Variants in DRD3 observed in about 807,000 individuals in gnomAD.
DRD3 encodes the protein dopamine receptor D3.
In DRD3, 19 loss-of-function variants were observed where a neutral mutation model predicts 36.3. The observed-to-expected ratio is 0.52, with a 90% confidence interval of 0.36 to 0.77. DRD3 has a LOEUF of 0.77. Among genes scored for constraint, DRD3 ranks in the 30% least tolerant of loss-of-function variants. The pLI is 0.00. For synonymous variants in DRD3, 195 were observed against 203.7 expected (o/e 0.96, Z 0.36); for missense variants, 465 against 505.3 (o/e 0.92, Z 0.77).
chr3:114,181,048 G>A (rs984570583), upstream of DRD3, among the ~76,000 whole-genome samples: 2 of 152,108 alleles, frequency 1.3e-5, no homozygotes, highest in African/African-American at 4.8e-5. Context: ...TTGATAATGC[G>A]TGAATGTAGT....
rs562432757 is a variant in DRD3, at chr3:114,159,473, GA to G, written c.383+281del. On this transcript the variant is annotated intron_variant, in intron 3 of 6. Transcript: ENST00000383673. ...GGGAAGCTTTCCTTCCTATTAGGAA[GA>G]AAAAAAAAACCCCAAAGGATGGTGG... Among the ~76,000 whole-genome samples, 531 of 147,958 alleles carry G rather than the reference GA, an allele frequency of 3.6e-3. 3 individuals are homozygous for G. Among genetic ancestry groups the G allele is most frequent in the African/African-American group, 0.012 (494 of 40,326 alleles).
At position 114,170,573 on chromosome 3, in the gene DRD3, C is replaced by A. The variant is rs6782532; in HGVS notation, c.270+1150G>T. ...TCTACACAGCCTAGTTGTTTTTCTT[C>A]TTTTCCTTTTATTTCTCTGTTTTCT... On this transcript the variant is annotated intron_variant, in intron 2 of 6. Transcript: ENST00000383673. 8.1e-3 allele frequency among the ~76,000 whole-genome samples: 1,230 copies of A among 152,232 alleles called. 23 individuals carry two copies. Among genetic ancestry groups the A allele is most frequent in the African/African-American group, 0.028 (1,174 of 41,554 alleles).
chr3:114,174,240 C>T (rs36211798), intron 1 of DRD3, among the ~76,000 whole-genome samples: 10,193 of 152,204 alleles, frequency 0.067, 383 homozygotes, highest in South Asian at 0.11. Context: ...CAAGGATATT[C>T]CCACTTTTAA....
intron 1 of DRD3, among the ~76,000 whole-genome samples, chr3:114,193,166 C>A (rs1204748102): frequency 6.6e-6 from 1 of 152,106 alleles, no homozygotes; most frequent in East Asian, 1.9e-4. Context: ...GTAGTCCCAG[C>A]TACTTGGGAG....
chr3:114,156,899 T>TCTTCCTTCCTTCTTTC (rs2077684982), intron 3 of DRD3, among the ~76,000 whole-genome samples: 1 of 149,408 alleles, frequency 6.7e-6, no homozygotes, highest in African/African-American at 2.5e-5. Context: ...TCTTCTCTTT[T>TCTTCCTTCCTTCTTTC]CTTCCTTCCT....
intron 6 of DRD3, among the ~76,000 whole-genome samples, chr3:114,129,673 T>C (rs1022537908): frequency 6.6e-6 from 1 of 151,986 alleles, no homozygotes; most frequent in Non-Finnish European, 1.5e-5. Context: ...CAGGAGAGAG[T>C]TGGGGTTTGT....
At chr3:114,190,454 ATATATATATTTTTTTTTTTTTTTTTTTTT>A (rs2078003786) in intron 1 of DRD3, among the ~76,000 whole-genome samples, 8 of 12,402 alleles carry the variant, frequency 6.5e-4, no homozygotes, top group African/African-American at 3.6e-3. Flanking sequence ...ATATATATAT[ATATATATATTTTTTTTTTTTTTTTTTTTT>A]TTTTTTTTTT....
intron 6 of DRD3, among the ~76,000 whole-genome samples, chr3:114,129,378 T>C (rs1364071102): frequency 2.6e-5 from 4 of 152,030 alleles, no homozygotes; most frequent in Non-Finnish European, 5.9e-5. Context: ...AACCCAACCC[T>C]ATGAAATAGG....
At chr3:114,186,569 T>C (rs1227354701) in intron 1 of DRD3, among the ~76,000 whole-genome samples, 1 of 152,204 alleles carries the variant, frequency 6.6e-6, no homozygotes. Flanking sequence ...AGTTCCCCTC[T>C]ATTTGGAGGA....
intron 3 of DRD3, among the ~76,000 whole-genome samples, chr3:114,152,900 A>T (rs1323945327): frequency 6.6e-6 from 1 of 152,214 alleles, no homozygotes; most frequent in Non-Finnish European, 1.5e-5. Context: ...ACCTCTGAAC[A>T]TCTGGCCGCT....
upstream of DRD3, among the ~76,000 whole-genome samples, chr3:114,183,835 T>A (rs1046669510): frequency 6.6e-6 from 1 of 152,150 alleles, no homozygotes; most frequent in African/African-American, 2.4e-5. Context: ...TCTTTTTTAT[T>A]ATTTTTGTGT....
At chr3:114,158,932 ACCT>A (rs1165836584) in intron 3 of DRD3, among the ~76,000 whole-genome samples, 1 of 151,824 alleles carries the variant, frequency 6.6e-6, no homozygotes, top group African/African-American at 2.4e-5. Flanking sequence ...CTTGAAAGTG[ACCT>A]CCTTTCCCCC....
intron 3 of DRD3, among the ~76,000 whole-genome samples, chr3:114,156,765 TTCTTTCTTTCTTTCTTTCTTTCTTTC>T (rs2077676796): frequency 8.8e-6 from 1 of 114,070 alleles, no homozygotes; most frequent in Non-Finnish European, 1.9e-5. Flanking sequence ...CTTTCTTTCT[TTCTTTCTTTCTTTCTTTCTTTCTTTC>T]TTTCTTTCTC....
chr3:114,144,848 A>G (rs2077557101), intron 4 of DRD3, among the ~76,000 whole-genome samples: 1 of 152,166 alleles, frequency 6.6e-6, no homozygotes, highest in Non-Finnish European at 1.5e-5. Context: ...GAGCGCACAT[A>G]CTAAGTCACA....
chr3:114,159,187 T>A (rs1192064709), intron 3 of DRD3, among the ~76,000 whole-genome samples: 1 of 152,072 alleles, frequency 6.6e-6, no homozygotes, highest in African/African-American at 2.4e-5. Flanking sequence ...AATGTAATTT[T>A]AAAAAACATA....
intron 2 of DRD3, among the ~76,000 whole-genome samples, chr3:114,165,979 C>G (rs1013229646): frequency 6.9e-6 from 1 of 145,002 alleles, no homozygotes; most frequent in Non-Finnish European, 1.5e-5. Context: ...GTAGACCCAA[C>G]AGTTTGTATT....
At chr3:114,175,562 C>G (rs547405852) in intron 1 of DRD3, among the ~76,000 whole-genome samples, 1 of 152,254 alleles carries the variant, frequency 6.6e-6, no homozygotes, top group East Asian at 1.9e-4. Context: ...CTTTCATCTC[C>G]CACATCCACA....
intron 1 of DRD3, among the ~76,000 whole-genome samples, chr3:114,175,524 G>A (rs1231118513): frequency 1.3e-5 from 2 of 152,166 alleles, no homozygotes; most frequent in Non-Finnish European, 2.9e-5. Context: ...GAGAGACAGA[G>A]AGTAATCTAG....
At chr3:114,133,126 G>A (rs1245322944) in intron 5 of DRD3, among the ~76,000 whole-genome samples, 3 of 152,046 alleles carry the variant, frequency 2.0e-5, no homozygotes, top group Admixed American at 2.0e-4. Context: ...AAGTAGCTGG[G>A]ATTACAGGCA....
Sources: allele counts gnomAD v4.1 joint callset (sites outside exome capture counted in the v4.1 genomes callset), GRCh38; gene constraint gnomAD v4.1.1; transcripts MANE v1.5; gene names NCBI Gene and HGNC (gene_info 2026-07-23, HGNC 2026-07-21).